Variants in ZNF707 observed in about 807,000 individuals in gnomAD.
ZNF707 encodes zinc finger protein 707.
ZNF707 carries 8 observed loss-of-function variants against 13.3 expected under a neutral mutation model. The ratio of observed to expected loss-of-function variants is 0.60; its 90% CI spans 0.35 to 1.09. The LOEUF is 1.09. Ranked by LOEUF, ZNF707 falls within the 50% of genes least tolerant of loss-of-function variation. The probability of loss-of-function intolerance (pLI) is 0.02; values close to 1 mark genes in which losing one functional copy is unlikely to be tolerated. For synonymous variants in ZNF707, 225 were observed against 205.6 expected (o/e 1.09, Z -0.81); for missense variants, 530 against 512.6 (o/e 1.03, Z -0.33).
Position 143,694,134 on chromosome 8 carries a change from G to T in ZNF707, c.720G>T (p.Ala240=). The T allele has an allele frequency of 6.3e-7, 1 of 1,595,610 alleles. No individual in the cohort carries two copies. Among genetic ancestry groups the T allele is most frequent in the Non-Finnish European group, 8.5e-7 (1 of 1,171,144 alleles). ...KPFCCEACGQ[A]FSLKDRLAQH... ...TCTGCTGCGAGGCCTGCGGGCAGGC[G>T]TTCAGCCTGAAGGACCGCCTGGCTC... Residue 240 remains alanine, a synonymous_variant, in exon 6 of 6, where the codon GCG becomes GCT. Coordinates refer to ENST00000358656, the MANE Select transcript of ZNF707 (RefSeq NM_001100598.2). This position sits in a 1 kb window ranked among gnomAD's most constrained non-coding sequence, Gnocchi z 4.4.
rs782508498 is a variant in ZNF707, at chr8:143,694,491, C to T, written c.1077C>T (p.Phe359=). 1.2e-6 allele frequency: 2 copies of T among 1,609,644 alleles called. No individual in the cohort carries two copies. The highest frequency in any genetic ancestry group is 2.7e-5 in the African/African-American group (2 of 74,998). Residue 359 remains phenylalanine (F), a synonymous_variant, in exon 6 of 6, where the codon TTC becomes TTT. Coordinates refer to ENST00000358656, the MANE Select transcript of ZNF707 (RefSeq NM_001100598.2). This position sits in a 1 kb window ranked among gnomAD's most constrained non-coding sequence, Gnocchi z 4.4. ...AAGGCTTCCGTCACCTGGGGTTCTT[C>T]ACGCGGCATCAGAGGACTCACAGGC... ...CGKGFRHLGF[F]TRHQRTHRHG... is the part of the protein sequence containing the mutation.
intron 1 of ZNF707, chr8:143,685,088 A>G (rs1554611606): frequency 1.3e-5 from 2 of 152,250 alleles, no homozygotes; most frequent in African/African-American, 4.8e-5. Flanking sequence ...TCCATAACTG[A>G]ACCATTTGCC....
intron 2 of ZNF707, among the ~76,000 whole-genome samples, chr8:143,689,543 G>A (rs536555542): frequency 6.6e-6 from 1 of 152,270 alleles, no homozygotes; most frequent in African/African-American, 2.4e-5. Context: ...TGGAGACTCA[G>A]TGAACATTAT....
Position 143,693,662 on chromosome 8 carries a change from C to G in ZNF707, c.257-9C>G. Reference sequence around the variant, plus strand: ...TGGCTCTGTGTAAGGGTGTCTGTTCCTTCCACAGGGGCAAGGAAGTCTGCA... The same window carrying G: ...TGGCTCTGTGTAAGGGTGTCTGTTCGTTCCACAGGGGCAAGGAAGTCTGCA... On this transcript the variant is annotated splice_polypyrimidine_tract_variant and intron_variant, in intron 5 of 5. Coordinates refer to ENST00000358656, the MANE Select transcript of ZNF707 (RefSeq NM_001100598.2). This position sits in a 1 kb window ranked among gnomAD's most constrained non-coding sequence, Gnocchi z 4.1. The G allele has an allele frequency of 6.4e-7, 1 of 1,563,954 alleles. No individual in the cohort carries two copies. The highest frequency in any genetic ancestry group is 8.6e-7 in the Non-Finnish European group (1 of 1,157,024).
At chr8:143,686,086 GTTTT>G (rs368455685) in intron 1 of ZNF707, among the ~76,000 whole-genome samples, 2,175 of 148,852 alleles carry the variant, frequency 0.015, 49 homozygotes, top group African/African-American at 0.048. Flanking sequence ...GGGAGAGGGT[GTTTT>G]TTTTTTGTTT....
chr8:143,690,929 C>T, intron 3 of ZNF707, 144 bp from the exon 4 acceptor site: 1 of 1,097,040 alleles, frequency 9.1e-7, no homozygotes, highest in Non-Finnish European at 1.3e-6. Context: ...CCACTCGGGG[C>T]TCTGGGCTTC....
chr8:143,694,449 G>A lies in ZNF707; in HGVS notation c.1035G>A (p.Glu345=). 2 of 1,612,318 alleles carry A rather than the reference G, an allele frequency of 1.2e-6. No individual in the cohort carries two copies. Among genetic ancestry groups the A allele is most frequent in the Middle Eastern group, 1.7e-4 (1 of 6,060 alleles). ...RRLHLTKRFY[E]CGHCGKGFRH... is the part of the protein sequence containing the mutation. ...TGCACCTGACGAAGAGGTTCTACGA[G>A]TGCGGCCACTGTGGGAAAGGCTTCC... The change falls in exon 6 of 6, where the codon GAG becomes GAA. Residue 345 remains glutamate, a synonymous_variant. Transcript: ENST00000358656. This position sits in a 1 kb window ranked among gnomAD's most constrained non-coding sequence, Gnocchi z 4.4.
At chr8:143,685,246 C>T (rs1816150397) in intron 1 of ZNF707, among the ~76,000 whole-genome samples, 1 of 152,150 alleles carries the variant, frequency 6.6e-6, no homozygotes, top group African/African-American at 2.4e-5. Context: ...GTAGCTTAGC[C>T]AGGCAAGGTG....
At chr8:143,691,352 C>A in intron 4 of ZNF707, 153 bp downstream of exon 4, 1 of 1,330,234 alleles carries the variant, frequency 7.5e-7, no homozygotes, top group Non-Finnish European at 1.0e-6. Flanking sequence ...GACAGAGGGG[C>A]CCACTCAGCG....
Position 143,693,651 on chromosome 8 carries a change from G to T in ZNF707, c.257-20G>T. 1 of 1,549,210 alleles carries T rather than the reference G, an allele frequency of 6.5e-7. No homozygotes were observed. On this transcript the variant is annotated intron_variant, in intron 5 of 5. Transcript: ENST00000358656. This position sits in a 1 kb window ranked among gnomAD's most constrained non-coding sequence, Gnocchi z 4.1. ...CTGTGGGCCACTGGCTCTGTGTAAG[G>T]GTGTCTGTTCCTTCCACAGGGGCAA...
In ZNF707 at chr8:143,693,690, C is replaced by T. The variant is rs781929430; in HGVS notation, c.276C>T (p.Asp92=). 6.2e-7 allele frequency: 1 copy of T among 1,600,288 alleles called. No homozygotes were observed. The highest frequency in any genetic ancestry group is 1.7e-5 in the Admixed American group (1 of 58,790). ...CCACAGGGGCAAGGAAGTCTGCAGA[C>T]CCCAAGAGACCTTGTGATCATCCAG... The part of the protein sequence containing the change: ...GPRPGARKSA[D]PKRPCDHPAW... Residue 92 remains aspartate, a synonymous_variant, in exon 6 of 6, where the codon GAC becomes GAT. Transcript: ENST00000358656. The surrounding 1 kb of genome is among the most constrained non-coding windows in gnomAD (Gnocchi z 4.1).
rs782165269 is a variant in ZNF707, at chr8:143,690,124, G to A, written c.15+1G>A. On this transcript the variant is annotated splice_donor_variant, in intron 3 of 5. Coordinates refer to ENST00000358656, the MANE Select transcript of ZNF707 (RefSeq NM_001100598.2). LOFTEE classifies it high-confidence loss of function. ...CGCTGTTCCCATGGACATGGCCCAG[G>A]TGAGCCCTGCTGCTGCCGAGCGCAG... 5 of 1,606,856 alleles carry A rather than the reference G, an allele frequency of 3.1e-6. No individual in the cohort carries two copies. Among genetic ancestry groups the A allele is most frequent in the East Asian group, 2.2e-5 (1 of 44,892 alleles).
At chr8:143,687,654 C>A (rs926940333) in intron 1 of ZNF707, among the ~76,000 whole-genome samples, 1 of 152,058 alleles carries the variant, frequency 6.6e-6, no homozygotes, top group African/African-American at 2.4e-5. Context: ...TCTTTGTAAT[C>A]TTATGGCTTT....
At chr8:143,691,298 C>T in intron 4 of ZNF707, 99 bp downstream of exon 4, 2 of 1,484,872 alleles carry the variant, frequency 1.3e-6, no homozygotes, top group Non-Finnish European at 1.8e-6. Flanking sequence ...AGTGGGGCCT[C>T]CCAGCTGAGG....
At chr8:143,692,122 G>A (rs1554613827) in intron 5 of ZNF707, 3 of 1,314,976 alleles carry the variant, frequency 2.3e-6, no homozygotes, top group Non-Finnish European at 3.0e-6. Flanking sequence ...GTGGCTCTGG[G>A]TAGGAGTTTG....
rs1554614578 is a variant in ZNF707 at position 143,694,100 on chromosome 8, A to T, written c.686A>T (p.Glu229Val). ...CGCCACCAGAAGAACCACACGCGCG[A>T]GAAGCCCTTCTGCTGCGAGGCCTGC... Reference protein sequence around the residue: ...LQRHQKNHTREKPFCCEACGQ... With the variant: ...LQRHQKNHTRVKPFCCEACGQ... Residue 229 changes from glutamate to valine, a missense_variant, in exon 6 of 6, where the codon GAG becomes GTG. Glu to Val is a moderately radical substitution (Grantham distance 121). Transcript: ENST00000358656. The surrounding 1 kb of genome is among the most constrained non-coding windows in gnomAD (Gnocchi z 4.4). 6.2e-7 allele frequency: 1 copy of T among 1,606,832 alleles called. No homozygotes were observed. The highest frequency in any genetic ancestry group is 8.5e-7 in the Non-Finnish European group (1 of 1,177,444).
chr8:143,690,603 C>G (rs1419029058), intron 3 of ZNF707, among the ~76,000 whole-genome samples: 4 of 152,042 alleles, frequency 2.6e-5, no homozygotes, highest in Admixed American at 2.0e-4. Flanking sequence ...TTCATTGACA[C>G]TAGGAGAGTA....
intron 4 of ZNF707, 119 bp from the exon 5 acceptor site, chr8:143,691,481 C>A: frequency 8.3e-7 from 1 of 1,211,200 alleles, no homozygotes; most frequent in Non-Finnish European, 1.1e-6. Flanking sequence ...GGGGTGGCTT[C>A]TCCAGGGCCT....
intron 1 of ZNF707, chr8:143,688,749 C>T (rs1301158481): frequency 6.6e-6 from 1 of 151,496 alleles, no homozygotes; most frequent in Non-Finnish European, 1.5e-5. Flanking sequence ...CAAGCAGTCC[C>T]CCCACCTCAG....
Sources: gnomAD v4.1 joint callset for allele counts (sites outside exome capture counted in the v4.1 genomes callset) on GRCh38, gnomAD v4.1.1 for gene constraint, Gnocchi (gnomAD v3.1) non-coding constraint, MANE v1.5 for transcripts, NCBI Gene and HGNC (gene_info 2026-07-23, HGNC 2026-07-21) for gene names.